Variants in PCDHGB2 observed in about 807,000 individuals in gnomAD.
PCDHGB2 encodes the protein protocadherin gamma-B2.
PCDHGB2 carries 55 observed loss-of-function variants against 59.3 expected under a neutral mutation model. That is an observed-to-expected ratio of 0.93 (90% CI 0.75 to 1.16). The LOEUF (loss-of-function observed/expected upper bound fraction) is 1.16, where lower values mean the gene tolerates loss of function less well. PCDHGB2 is among the 50% of genes most tolerant of loss of function. The pLI is 0.00. For missense variants in PCDHGB2, 1,228 were observed against 1,198.5 expected, an observed-to-expected ratio of 1.02 and a Z score of -0.36; for synonymous variants, 516 against 512.0, an observed-to-expected ratio of 1.01 and a Z score of -0.11.
chr5:141,361,945 C>T lies in PCDHGB2; in HGVS notation c.1810C>T (p.Leu604=), dbSNP rs1762247268. ...CGCAGACTCAGGACACAACGCTTGG[C>T]TGTCCTACCACGTGCTGCAGGCCAG... ...VDADSGHNAW[L]SYHVLQASEP... Residue 604 remains leucine, a synonymous_variant, in exon 1 of 4, where the codon CTG becomes TTG. Coordinates refer to ENST00000522605, the MANE Select transcript of PCDHGB2 (RefSeq NM_018923.3). 6.2e-7 allele frequency: 1 copy of T among 1,604,808 alleles called. No individual in the cohort carries two copies. Among genetic ancestry groups the T allele is most frequent in the African/African-American group, 1.3e-5 (1 of 74,772 alleles).
rs1310725827 is a variant in PCDHGB2, at chr5:141,500,934, T to C, written c.2481-4459T>C. The stretch of plus-strand genomic sequence containing the variant: ...TCCAGGCTGGGGTGCAGTGGCGCCA[T>C]CTCGGCTCACTGCAAGCTCCACCTC... On this transcript the variant is annotated intron_variant, in intron 2 of 3. Transcript: ENST00000522605. 5.9e-5 allele frequency among the ~76,000 whole-genome samples: 9 copies of C among 151,906 alleles called. 1 individual carries two copies. Among genetic ancestry groups the C allele is most frequent in the Non-Finnish European group, 1.3e-4 (9 of 68,020 alleles).
chr5:141,392,791 G>T, intron 1 of PCDHGB2: 1 of 1,557,836 alleles, frequency 6.4e-7, no homozygotes, highest in Non-Finnish European at 8.7e-7. Flanking sequence ...AAGATTCTGA[G>T]AGGATTCTGC....
chr5:141,390,645 G>C (rs1287845868), intron 1 of PCDHGB2: 1 of 218,998 alleles, frequency 4.6e-6, no homozygotes, highest in Admixed American at 5.3e-5. Context: ...ACTTTTTTCA[G>C]CTTGGATATA....
chr5:141,497,473 AGGT>A (rs2099776769), intron 2 of PCDHGB2, among the ~76,000 whole-genome samples: 1 of 151,750 alleles, frequency 6.6e-6, no homozygotes. Flanking sequence ...ATGGAGGAGA[AGGT>A]GCGGAACCTC....
intron 1 of PCDHGB2, chr5:141,393,331 GC>G (rs3214276): frequency 0.09 from 144,732 of 1,613,856 alleles, 7,527 homozygotes; most frequent in African/African-American, 0.18. Flanking sequence ...TACCAGCTCA[GC>G]CCCAATCACC....
chr5:141,372,802 T>G, intron 1 of PCDHGB2: 1 of 1,594,058 alleles, frequency 6.3e-7, no homozygotes, highest in Non-Finnish European at 8.6e-7. Flanking sequence ...TCAGGCAATT[T>G]GCAAAAGGTG....
At chr5:141,376,276 C>T (rs3749771) in intron 1 of PCDHGB2, 1 of 1,614,240 alleles carries the variant, frequency 6.2e-7, no homozygotes, top group Non-Finnish European at 8.5e-7. Context: ...CGGGAGGTGG[C>T]TTAGCGAGCA....
chr5:141,444,152 ATTTTTTTTTTTTTTTTTTTTTTTTT>A (rs747671382), intron 1 of PCDHGB2, among the ~76,000 whole-genome samples: 1 of 33,882 alleles, frequency 3.0e-5, no homozygotes, highest in Non-Finnish European at 5.2e-5. Context: ...TGTGTACTGG[ATTTTTTTTTTTTTTTTTTTTTTTTT>A]TTTTTTTTTT....
chr5:141,478,038 G>A lies in PCDHGB2; in HGVS notation c.2422-16769G>A, dbSNP rs1401384720. ...CCAGTCCAAGACACAGATTCACCCA[G>A]GCAGACTCTCACGGTCTTGATCAAA... On this transcript the variant is annotated intron_variant, in intron 1 of 3. Transcript: ENST00000522605. 8 of 1,614,006 alleles carry A rather than the reference G, an allele frequency of 5.0e-6. No homozygotes were observed. In the African/African-American group the frequency reaches 1.1e-4, roughly 22 times the overall value.
In PCDHGB2 at chr5:141,490,701, C is replaced by T; in HGVS notation, c.2422-4106C>T. On this transcript the variant is annotated intron_variant, in intron 1 of 3. Transcript: ENST00000522605. This position sits in a 1 kb window ranked among gnomAD's most constrained non-coding sequence, Gnocchi z 5.4. Reference sequence around the variant, plus strand: ...CAGATCCAGACACTGGGGATAATGCCCGCCTCACCTACTCCATTGTAGGAA... The same window carrying T: ...CAGATCCAGACACTGGGGATAATGCTCGCCTCACCTACTCCATTGTAGGAA... The T allele has an allele frequency of 6.2e-7, 1 of 1,614,184 alleles. No individual in the cohort carries two copies. The highest frequency in any genetic ancestry group is 8.5e-7 in the Non-Finnish European group (1 of 1,180,008).
intron 1 of PCDHGB2, among the ~76,000 whole-genome samples, chr5:141,425,696 A>G (rs1033976807): frequency 1.3e-4 from 20 of 152,242 alleles, no homozygotes; most frequent in African/African-American, 4.3e-4. Context: ...ATCATTTCAT[A>G]GTGGTCAAAA....
intron 1 of PCDHGB2, among the ~76,000 whole-genome samples, chr5:141,457,187 G>A (rs1314148733): frequency 1.3e-5 from 2 of 152,210 alleles, no homozygotes; most frequent in Admixed American, 1.3e-4. Flanking sequence ...ATAGTAGAGT[G>A]AGGAAAGCAG....
chr5:141,404,764 C>T (rs371618979), intron 1 of PCDHGB2: 1 of 1,613,802 alleles, frequency 6.2e-7, no homozygotes, highest in Non-Finnish European at 8.5e-7. Context: ...ATGCTTGGCT[C>T]TCCTACCGCC....
intron 1 of PCDHGB2, chr5:141,366,287 C>T (rs746594585): frequency 5.0e-6 from 8 of 1,613,620 alleles, no homozygotes; most frequent in Admixed American, 1.7e-5. Context: ...TGGCCAGCCC[C>T]CTCTGTCAGC....
At chr5:141,419,432 C>A (rs2096381830) in intron 1 of PCDHGB2, 1 of 1,613,160 alleles carries the variant, frequency 6.2e-7, no homozygotes, top group Non-Finnish European at 8.5e-7. Flanking sequence ...CCACGAGCAG[C>A]TGCGCACCTT....
rs1393235114 is a variant in PCDHGB2, at chr5:141,476,581, G to T, written c.2422-18226G>T. ...CCGTGGCTCCGGGGACGCGCTTTCC[G>T]CTCGAGAGCGCGCACGATCCCGATG... On this transcript the variant is annotated intron_variant, in intron 1 of 3. Transcript: ENST00000522605. This position sits in a 1 kb window ranked among gnomAD's most constrained non-coding sequence, Gnocchi z 7.6. 8.7e-6 allele frequency: 14 copies of T among 1,614,112 alleles called. No homozygotes were observed. The Admixed American group carries it at 2.2e-4, about 25-fold the overall frequency.
intron 1 of PCDHGB2, among the ~76,000 whole-genome samples, chr5:141,444,942 A>C (rs1272061494): frequency 6.6e-6 from 1 of 152,082 alleles, no homozygotes; most frequent in Non-Finnish European, 1.5e-5. Flanking sequence ...AGGAGGGAGG[A>C]GGATCATCTT....
chr5:141,367,486 G>A (rs1765164408), intron 1 of PCDHGB2: 1 of 152,108 alleles, frequency 6.6e-6, no homozygotes, highest in African/African-American at 2.4e-5. Context: ...GCAGTAAGCC[G>A]AGATCGCGCC....
intron 1 of PCDHGB2, chr5:141,388,544 A>C (rs755878131): frequency 5.6e-6 from 9 of 1,613,654 alleles, no homozygotes; most frequent in Non-Finnish European, 6.8e-6. Flanking sequence ...TTGGAGCTCC[A>C]CCCCTAAGCA....
Sources: gnomAD v4.1 joint callset for allele counts (sites outside exome capture counted in the v4.1 genomes callset) on GRCh38, gnomAD v4.1.1 for gene constraint, Gnocchi (gnomAD v3.1) non-coding constraint, MANE v1.5 for transcripts, NCBI Gene and HGNC (gene_info 2026-07-23, HGNC 2026-07-21) for gene names.